The following FAM83B variants were observed in gnomAD, a reference collection of about 807,000 sequenced individuals.
The protein encoded by FAM83B is scaffolding CK1 anchoring protein B.
Under a neutral mutation model 38.8 loss-of-function variants are expected in FAM83B, and 26 were observed. That is an observed-to-expected ratio of 0.67 (90% CI 0.49 to 0.93). The LOEUF is 0.93. Among genes scored for constraint, FAM83B ranks in the 40% least tolerant of loss-of-function variants. The pLI, the probability that FAM83B is intolerant of heterozygous loss-of-function variation, is 0.00. For missense variants in FAM83B, 1,237 were observed against 1,197.3 expected (o/e 1.03, Z -0.49); for synonymous variants, 419 against 423.1 (o/e 0.99, Z 0.12).
In FAM83B at chr6:54,886,587, T is replaced by A. The variant is rs142660390; in HGVS notation, c.444+15897T>A. Among the ~76,000 whole-genome samples the A allele has an allele frequency of 7.7e-3, 1,164 of 152,152 alleles. 10 individuals carry two copies. Among genetic ancestry groups the A allele is most frequent in the Admixed American group, 0.014 (208 of 15,292 alleles). On this transcript the variant is annotated intron_variant, in intron 2 of 4. Transcript: ENST00000306858. ...GCATAAAATTGTTTATAATATCTCC[T>A]CATTGTATTAATGACTGTTGGATTT...
At chr6:54,864,897 A>T (rs1368148499) in intron 1 of FAM83B, among the ~76,000 whole-genome samples, 2 of 152,170 alleles carry the variant, frequency 1.3e-5, no homozygotes, top group East Asian at 1.9e-4. Context: ...AAATTCAAGA[A>T]TTTTTTCCCT....
chr6:54,898,595 C>G (rs1772589175), intron 2 of FAM83B, among the ~76,000 whole-genome samples: 1 of 152,168 alleles, frequency 6.6e-6, no homozygotes, highest in African/African-American at 2.4e-5. Flanking sequence ...TACTCTGCTT[C>G]CAAACTGGTT....
chr6:54,907,887 C>T, intron 2 of FAM83B, among the ~76,000 whole-genome samples: 1 of 152,016 alleles, frequency 6.6e-6, no homozygotes, highest in South Asian at 2.1e-4. Flanking sequence ...ACATATTTAG[C>T]TTGAATAAGT....
In FAM83B at chr6:54,942,730, T is replaced by TTTTTTTTTTTTTTGAGACGG. The variant is rs1561934810; in HGVS notation, c.*723_*724insTTTTTTTTTTTTTGAGACGG. On this transcript the variant is annotated 3_prime_UTR_variant, in exon 5 of 5. Coordinates refer to ENST00000306858, the MANE Select transcript of FAM83B (RefSeq NM_001010872.3). Reference sequence around the variant, plus strand: ...TCTTACCCATAGGCTGCTGATTTTTTATAGTCATTCCTTACTTCACATTTA... The same window carrying TTTTTTTTTTTTTTGAGACGG: ...TCTTACCCATAGGCTGCTGATTTTTTTTTTTTTTTTTTTGAGACGGATAGTCATTCCTTACTTCACATTTA... Among the ~76,000 whole-genome samples, 9 of 151,978 alleles carry TTTTTTTTTTTTTTGAGACGG rather than the reference T, an allele frequency of 5.9e-5. No homozygotes were observed. The highest frequency in any genetic ancestry group is 2.2e-4 in the African/African-American group (9 of 41,308).
At chr6:54,885,174 T>C (rs1772245833) in intron 2 of FAM83B, among the ~76,000 whole-genome samples, 1 of 152,060 alleles carries the variant, frequency 6.6e-6, no homozygotes, top group African/African-American at 2.4e-5. Flanking sequence ...AAAAAAATAA[T>C]GTTGGGATTT....
intron 2 of FAM83B, among the ~76,000 whole-genome samples, chr6:54,886,846 A>C (rs543234062): frequency 2.0e-5 from 3 of 151,884 alleles, no homozygotes; most frequent in Admixed American, 6.6e-5. Context: ...TTGGAAAATA[A>C]TTTTTTCTTT....
intron 2 of FAM83B, among the ~76,000 whole-genome samples, chr6:54,872,079 A>G (rs1227652268): frequency 6.6e-6 from 1 of 152,124 alleles, no homozygotes; most frequent in Non-Finnish European, 1.5e-5. Context: ...AAAATGAGGT[A>G]ATTTTTTTCC....
intron 1 of FAM83B, among the ~76,000 whole-genome samples, chr6:54,857,872 A>G (rs1440663477): frequency 6.6e-6 from 1 of 152,172 alleles, no homozygotes; most frequent in Non-Finnish European, 1.5e-5. Flanking sequence ...AGAAGGTGGC[A>G]TATGGATAAG....
At chr6:54,910,422 T>C (rs112272330) in intron 2 of FAM83B, among the ~76,000 whole-genome samples, 95 of 152,302 alleles carry the variant, frequency 6.2e-4, no homozygotes, top group African/African-American at 2.1e-3. Context: ...ACCGGATCTA[T>C]TTTCCATGCT....
Position 54,927,517 on chromosome 6 carries a change from G to A in FAM83B, c.619G>A (p.Val207Met), listed in dbSNP as rs751134703. The change falls in exon 4 of 5, where the codon GTG becomes ATG. Residue 207 changes from valine to methionine, a missense_variant. Coordinates refer to ENST00000306858, the MANE Select transcript of FAM83B (RefSeq NM_001010872.3). ...CSVQRLRNIR[V>M]RTVKGQDYLS... is the part of the protein sequence containing the mutation. Reference sequence around the variant, plus strand: ...TTACATATAATTCTAGAATATTCGAGTGCGAACAGTAAAAGGCCAAGATTA... The same window carrying A: ...TTACATATAATTCTAGAATATTCGAATGCGAACAGTAAAAGGCCAAGATTA... The A allele has an allele frequency of 3.1e-6, 5 of 1,599,850 alleles. No individual in the cohort carries two copies. Among genetic ancestry groups the A allele is most frequent in the Admixed American group, 3.4e-5 (2 of 59,546 alleles).
chr6:54,906,021 C>A (rs1772769240), intron 2 of FAM83B, among the ~76,000 whole-genome samples: 1 of 150,558 alleles, frequency 6.6e-6, no homozygotes, highest in African/African-American at 2.5e-5. Flanking sequence ...TGACACTATC[C>A]TTTTGCCTTC....
chr6:54,855,049 C>G (rs975631593), intron 1 of FAM83B, among the ~76,000 whole-genome samples: 1 of 152,264 alleles, frequency 6.6e-6, no homozygotes, highest in Non-Finnish European at 1.5e-5. Context: ...CTGTCACTAA[C>G]TTCAGAATTT....
At chr6:54,860,842 G>T (rs1018345436) in intron 1 of FAM83B, among the ~76,000 whole-genome samples, 2 of 152,162 alleles carry the variant, frequency 1.3e-5, no homozygotes, top group African/African-American at 4.8e-5. Flanking sequence ...AGCTGCGTAA[G>T]GAAAGTGTTT....
chr6:54,902,006 A>T (rs538748650), intron 2 of FAM83B, among the ~76,000 whole-genome samples: 1 of 152,248 alleles, frequency 6.6e-6, no homozygotes, highest in East Asian at 1.9e-4. Context: ...TTTGCCTGAA[A>T]CACTTTCAAC....
intron 2 of FAM83B, among the ~76,000 whole-genome samples, chr6:54,890,025 A>G (rs1395329930): frequency 1.3e-5 from 2 of 152,108 alleles, no homozygotes; most frequent in African/African-American, 4.8e-5. Flanking sequence ...GTCATGATCT[A>G]TTCAAAACAT....
At chr6:54,870,871 A>G (rs1771837020) in intron 2 of FAM83B, among the ~76,000 whole-genome samples, 181 bp downstream of exon 2, 1 of 152,170 alleles carries the variant, frequency 6.6e-6, no homozygotes, top group Admixed American at 6.5e-5. Flanking sequence ...GCATATATCC[A>G]AGAGAGTGGC....
In FAM83B at chr6:54,940,777, C is replaced by T. The variant is rs779070313; in HGVS notation, c.1806C>T (p.Leu602=). The T allele has an allele frequency of 4.3e-6, 7 of 1,613,878 alleles. No homozygotes were observed. Among genetic ancestry groups the T allele is most frequent in the Non-Finnish European group, 5.1e-6 (6 of 1,180,018 alleles). ...DKPLPESIPK[L]PLQSEAPKMH... ...CCTTGCCAGAATCAATCCCCAAGCT[C>T]CCATTGCAGTCAGAGGCACCAAAAA... Residue 602 remains leucine, a synonymous_variant, in exon 5 of 5, where the codon CTC becomes CTT. Transcript: ENST00000306858.
At chr6:54,855,023 C>G (rs1016955434) in intron 1 of FAM83B, among the ~76,000 whole-genome samples, 1 of 152,070 alleles carries the variant, frequency 6.6e-6, no homozygotes, top group Admixed American at 6.6e-5. Context: ...TTAATTGTAT[C>G]CAAATTATAA....
chr6:54,887,278 A>T (rs1025053251), intron 2 of FAM83B, among the ~76,000 whole-genome samples: 1 of 152,228 alleles, frequency 6.6e-6, no homozygotes, highest in Non-Finnish European at 1.5e-5. Context: ...AACACAGATT[A>T]AAAATACAGT....
Sources: allele counts gnomAD v4.1 joint callset (sites outside exome capture counted in the v4.1 genomes callset), GRCh38; gene constraint gnomAD v4.1.1; transcripts MANE v1.5; gene names NCBI Gene and HGNC (gene_info 2026-07-23, HGNC 2026-07-21).